Variants in PARD3B observed in about 807,000 individuals in gnomAD.
PARD3B encodes par-3 family cell polarity regulator beta.
Under a neutral mutation model 130.2 loss-of-function variants are expected in PARD3B, and 103 were observed. The ratio of observed to expected loss-of-function variants is 0.79; its 90% CI spans 0.67 to 0.93. The LOEUF is 0.93. Ranked by LOEUF, PARD3B falls within the 40% of genes least tolerant of loss-of-function variation. The pLI, the probability that PARD3B is intolerant of heterozygous loss-of-function variation, is 0.00. For missense variants in PARD3B, 1,609 were observed against 1,499.2 expected, an observed-to-expected ratio of 1.07 and a Z score of -1.21; for synonymous variants, 583 against 553.2, an observed-to-expected ratio of 1.05 and a Z score of -0.76.
rs1352615352 is a variant in PARD3B at position 205,116,349 on chromosome 2, G to T, written c.681-2572G>T. Among the ~76,000 whole-genome samples the T allele has an allele frequency of 6.6e-6, 1 of 152,110 alleles. No homozygotes were observed. Among genetic ancestry groups the T allele is most frequent in the Non-Finnish European group, 1.5e-5 (1 of 68,022 alleles). ...AAGGCTGATAAAGACTGTGAGAAGA[G>T]ATGTTCAAACCAAAATTCTAAGCTG... On this transcript the variant is annotated intron_variant, in intron 6 of 22. Transcript: ENST00000406610. The surrounding 1 kb of genome is among the most constrained non-coding windows in gnomAD (Gnocchi z 4.5).
intron 3 of PARD3B, among the ~76,000 whole-genome samples, chr2:205,004,205 G>A (rs973524140): frequency 6.6e-6 from 1 of 152,134 alleles, no homozygotes; most frequent in Non-Finnish European, 1.5e-5. Context: ...AAGGCTCTTT[G>A]TTCTTGTCTC....
chr2:205,223,661 C>G (rs1266784507), intron 15 of PARD3B, among the ~76,000 whole-genome samples: 2 of 152,150 alleles, frequency 1.3e-5, no homozygotes, highest in African/African-American at 4.8e-5. Flanking sequence ...TAAAACTTGC[C>G]TGTTCTCAGC....
At position 205,172,212 on chromosome 2, in the gene PARD3B, A is replaced by T. The variant is rs768652791; in HGVS notation, c.1622A>T (p.Asp541Val). 1 of 1,613,798 alleles carries T rather than the reference A, an allele frequency of 6.2e-7. No homozygotes were observed. The highest frequency in any genetic ancestry group is 8.5e-7 in the Non-Finnish European group (1 of 1,179,860). Residue 541 changes from aspartate (D) to valine (V), a missense_variant and splice_region_variant, in exon 12 of 23, where the codon GAT (aspartate) becomes GTT (valine). Physicochemically the swap from Asp to Val is radical, Grantham distance 152. Transcript: ENST00000406610. ...TTGTTTTCCTTTCTTCTGCCTTAGG[A>T]TGGTCGTCTGCGAATGAATGACCAG... ...SIIHGGAAFK[D>V]GRLRMNDQLI...
At chr2:204,562,238 A>T (rs2125057166) in intron 1 of PARD3B, among the ~76,000 whole-genome samples, 1 of 152,304 alleles carries the variant, frequency 6.6e-6, no homozygotes, top group South Asian at 2.1e-4. Flanking sequence ...ATAGTAAAAA[A>T]ACCACTGGAG....
chr2:204,725,781 A>G (rs1402453807), intron 2 of PARD3B, among the ~76,000 whole-genome samples: 1 of 152,232 alleles, frequency 6.6e-6, no homozygotes, highest in Non-Finnish European at 1.5e-5. Context: ...CCAGAAAACC[A>G]AAGCAATGCC....
In PARD3B at chr2:204,667,866, T is replaced by C. The variant is rs76833320; in HGVS notation, c.121-18315T>C. On this transcript the variant is annotated intron_variant, in intron 1 of 22. Transcript: ENST00000406610. Reference sequence around the variant, plus strand: ...GTTTGTTAACAAGCCATATAAATTTTTGGACTCTGCCTTTTAGCATGTGAA... The same window carrying C: ...GTTTGTTAACAAGCCATATAAATTTCTGGACTCTGCCTTTTAGCATGTGAA... 0.013 allele frequency among the ~76,000 whole-genome samples: 2,052 copies of C among 152,312 alleles called. 75 individuals carry two copies. The East Asian group carries it at 0.14, about 11-fold the overall frequency.
chr2:205,433,588 G>A (rs898840960), intron 19 of PARD3B, among the ~76,000 whole-genome samples: 2 of 150,210 alleles, frequency 1.3e-5, no homozygotes, highest in Non-Finnish European at 2.9e-5. Flanking sequence ...AAAGTGAAAT[G>A]CTTAGCTCTT....
chr2:205,354,020 CTTTTCCTTTTTTT>C (rs1404604326), intron 18 of PARD3B, among the ~76,000 whole-genome samples: 3 of 114,576 alleles, frequency 2.6e-5, no homozygotes, highest in Non-Finnish European at 3.4e-5. Flanking sequence ...TTTTTCTTTT[CTTTTCCTTTTTTT>C]TTTTTTTTTT....
At chr2:205,286,075 A>G (rs1210150201) in intron 16 of PARD3B, among the ~76,000 whole-genome samples, 1 of 152,226 alleles carries the variant, frequency 6.6e-6, no homozygotes, top group Admixed American at 6.5e-5. Context: ...ATTTTTACCC[A>G]GAACAAGGCA....
chr2:205,353,667 C>T (rs967647071), intron 18 of PARD3B, among the ~76,000 whole-genome samples: 1 of 152,046 alleles, frequency 6.6e-6, no homozygotes, highest in Non-Finnish European at 1.5e-5. Context: ...AAGACTGGGG[C>T]CTGGAGAAGT....
At chr2:205,491,503 T>C (rs2049709344) in intron 20 of PARD3B, among the ~76,000 whole-genome samples, 1 of 152,228 alleles carries the variant, frequency 6.6e-6, no homozygotes, top group Non-Finnish European at 1.5e-5. Flanking sequence ...CTGTTTTGTT[T>C]ACTGTAGCCT....
intron 2 of PARD3B, among the ~76,000 whole-genome samples, chr2:204,927,020 AC>A (rs201663604): frequency 1.3e-5 from 2 of 151,816 alleles, no homozygotes; most frequent in African/African-American, 2.4e-5. Context: ...GAATTATGAT[AC>A]CCCCCCAAAA....
intron 2 of PARD3B, among the ~76,000 whole-genome samples, chr2:204,873,768 A>G (rs1414263680): frequency 2.0e-5 from 3 of 152,202 alleles, no homozygotes; most frequent in East Asian, 1.9e-4. Context: ...AGCTGCAAAT[A>G]AGAAAACAAA....
intron 10 of PARD3B, among the ~76,000 whole-genome samples, chr2:205,137,946 G>A (rs1260982437): frequency 6.6e-6 from 1 of 152,236 alleles, no homozygotes; most frequent in African/African-American, 2.4e-5. Context: ...GGCCAGACAA[G>A]ATCCCAGGGA....
chr2:205,578,068 A>T (rs2106562602), intron 22 of PARD3B, among the ~76,000 whole-genome samples: 1 of 152,236 alleles, frequency 6.6e-6, no homozygotes, highest in Non-Finnish European at 1.5e-5. Flanking sequence ...CTCTTTAGCT[A>T]CTTGTAGCCT....
chr2:205,365,965 A>G (rs1184040956), intron 18 of PARD3B, among the ~76,000 whole-genome samples: 1 of 152,218 alleles, frequency 6.6e-6, no homozygotes, highest in Non-Finnish European at 1.5e-5. Context: ...CACATAAAGC[A>G]GTCAGCTCTT....
intron 20 of PARD3B, among the ~76,000 whole-genome samples, chr2:205,474,937 A>G (rs1027490296): frequency 6.6e-6 from 1 of 152,112 alleles, no homozygotes; most frequent in Non-Finnish European, 1.5e-5. Context: ...CCAAATTACC[A>G]CTAGAAGTTT....
chr2:205,212,344 T>G (rs2037689386), intron 15 of PARD3B, among the ~76,000 whole-genome samples: 1 of 152,092 alleles, frequency 6.6e-6, no homozygotes, highest in South Asian at 2.1e-4. Context: ...TCAAGAATCT[T>G]CAGGATGTAA....
intron 22 of PARD3B, among the ~76,000 whole-genome samples, chr2:205,570,683 T>C (rs187971662): frequency 6.6e-6 from 1 of 152,244 alleles, no homozygotes; most frequent in East Asian, 1.9e-4. Flanking sequence ...CTCCCACCCA[T>C]TGCACCACAA....
Sources: gnomAD v4.1 joint callset for allele counts (sites outside exome capture counted in the v4.1 genomes callset) on GRCh38, gnomAD v4.1.1 for gene constraint, Gnocchi (gnomAD v3.1) non-coding constraint, MANE v1.5 for transcripts, NCBI Gene and HGNC (gene_info 2026-07-23, HGNC 2026-07-21) for gene names.